Variants in DLC1 observed in about 807,000 individuals in gnomAD.
DLC1 encodes the protein rho GTPase-activating protein 7.
In DLC1, 54 loss-of-function variants were observed where a neutral mutation model predicts 140.3. The ratio of observed to expected loss-of-function variants is 0.38; its 90% CI spans 0.31 to 0.48. The LOEUF is 0.48. Ranked by LOEUF, DLC1 falls within the 20% of genes least tolerant of loss-of-function variation. The probability of loss-of-function intolerance (pLI) is 0.96; values close to 1 mark genes in which losing one functional copy is unlikely to be tolerated. For synonymous variants in DLC1, 986 were observed against 728.1 expected, an observed-to-expected ratio of 1.35 and a Z score of -5.70; for missense variants, 2,536 against 1,907.0, an observed-to-expected ratio of 1.33 and a Z score of -6.14.
chr8:13,233,314 A>T (rs1225468239), intron 5 of DLC1, among the ~76,000 whole-genome samples: 6 of 150,198 alleles, frequency 4.0e-5, no homozygotes, highest in Non-Finnish European at 8.9e-5. Context: ...AAAAAAAAAA[A>T]AAAAAAAAAA....
chr8:13,308,190 A>G (rs1832532943), intron 4 of DLC1, among the ~76,000 whole-genome samples: 1 of 152,226 alleles, frequency 6.6e-6, no homozygotes. Context: ...TATCAAGCAA[A>G]AATACATTTT....
intron 5 of DLC1, among the ~76,000 whole-genome samples, chr8:13,159,172 G>T (rs957793068): frequency 1.3e-5 from 2 of 152,106 alleles, no homozygotes; most frequent in East Asian, 1.9e-4. Flanking sequence ...ATACCAGTAC[G>T]GTGGCAGGAG....
chr8:13,539,535 G>T (rs1228145974), intron 1 of DLC1, among the ~76,000 whole-genome samples: 1 of 152,126 alleles, frequency 6.6e-6, no homozygotes, highest in Non-Finnish European at 1.5e-5. Context: ...GAGCAAACCA[G>T]CAAGCTGAGA....
intron 1 of DLC1, among the ~76,000 whole-genome samples, chr8:13,604,035 T>A (rs1805970376): frequency 6.6e-6 from 1 of 152,152 alleles, no homozygotes; most frequent in Non-Finnish European, 1.5e-5. Context: ...TATTTTTTTC[T>A]AATCAACATA....
intron 5 of DLC1, among the ~76,000 whole-genome samples, chr8:13,241,760 G>T (rs1203228744): frequency 6.6e-6 from 1 of 152,174 alleles, no homozygotes; most frequent in Non-Finnish European, 1.5e-5. Context: ...CTGCTGTTCT[G>T]TTAGGACACA....
intron 5 of DLC1, among the ~76,000 whole-genome samples, chr8:13,245,499 C>CCTT (rs887681406): frequency 1.3e-4 from 20 of 152,040 alleles, no homozygotes; most frequent in African/African-American, 4.6e-4. Flanking sequence ...GCTCATTAAC[C>CCTT]CTTTATTGGC....
chr8:13,425,121 G>C (rs1179429960), intron 2 of DLC1, among the ~76,000 whole-genome samples: 1 of 146,696 alleles, frequency 6.8e-6, no homozygotes, highest in Non-Finnish European at 1.5e-5. Flanking sequence ...ACAATGTGCA[G>C]TAAAAAAAAA....
intron 5 of DLC1, among the ~76,000 whole-genome samples, chr8:13,122,739 A>G (rs1217457412): frequency 6.6e-6 from 1 of 151,760 alleles, no homozygotes; most frequent in African/African-American, 2.4e-5. Flanking sequence ...TTTCACCAGC[A>G]ACTGACAGCA....
intron 1 of DLC1, among the ~76,000 whole-genome samples, chr8:13,579,337 A>ATTTT (rs1563453860): frequency 1.6e-3 from 32 of 20,398 alleles, no homozygotes; most frequent in African/African-American, 5.7e-3. Context: ...ATATATATAT[A>ATTTT]TATATATATA....
At chr8:13,247,897 A>G (rs555960221) in intron 5 of DLC1, among the ~76,000 whole-genome samples, 1 of 152,312 alleles carries the variant, frequency 6.6e-6, no homozygotes, top group South Asian at 2.1e-4. Flanking sequence ...AGTTAAAAGC[A>G]TTTTTCAGTT....
At chr8:13,590,312 T>C (rs996834111) in intron 1 of DLC1, among the ~76,000 whole-genome samples, 8 of 152,036 alleles carry the variant, frequency 5.3e-5, no homozygotes, top group African/African-American at 1.9e-4. Context: ...CAGTTTTTTT[T>C]TGCAGCTATT....
At chr8:13,349,105 C>T (rs902556213) in intron 4 of DLC1, among the ~76,000 whole-genome samples, 3 of 152,108 alleles carry the variant, frequency 2.0e-5, no homozygotes, top group African/African-American at 7.2e-5. Context: ...AGTTTACTCT[C>T]TGGAGACACT....
At chr8:13,567,621 C>T (rs1156837214) in intron 1 of DLC1, 2 of 1,551,538 alleles carry the variant, frequency 1.3e-6, no homozygotes, top group East Asian at 4.9e-5. Flanking sequence ...CGGAGCTGGC[C>T]CTGTCTGCCT....
intron 2 of DLC1, among the ~76,000 whole-genome samples, chr8:13,408,433 G>A (rs561153218): frequency 6.6e-6 from 1 of 152,252 alleles, no homozygotes; most frequent in South Asian, 2.1e-4. Flanking sequence ...CTTTTGCTAG[G>A]TTTTTAAACT....
chr8:13,197,075 T>G (rs930795591), intron 5 of DLC1, among the ~76,000 whole-genome samples: 2 of 152,234 alleles, frequency 1.3e-5, no homozygotes, highest in African/African-American at 4.8e-5. Context: ...TTCCTGTTTT[T>G]GTCTATTTCA....
At chr8:13,553,203 CAT>C (rs1201746846) in intron 1 of DLC1, among the ~76,000 whole-genome samples, 2,471 of 67,974 alleles carry the variant, frequency 0.036, 128 homozygotes, top group Middle Eastern at 0.11. Flanking sequence ...TGCCAGCTGT[CAT>C]ATATATATAT....
chr8:13,236,103 C>A (rs182861745), intron 5 of DLC1, among the ~76,000 whole-genome samples: 1 of 151,958 alleles, frequency 6.6e-6, no homozygotes, highest in African/African-American at 2.4e-5. Context: ...TTTAAAACTA[C>A]ATAGAAACAA....
chr8:13,479,852 A>AAG (rs1800621736), intron 2 of DLC1, among the ~76,000 whole-genome samples: 1 of 100,306 alleles, frequency 1.0e-5, no homozygotes. Flanking sequence ...AAGAAGAAGA[A>AAG]GAAGAAGAGA....
At chr8:13,131,201 T>G (rs555282537) in intron 5 of DLC1, among the ~76,000 whole-genome samples, 1 of 152,242 alleles carries the variant, frequency 6.6e-6, no homozygotes, top group African/African-American at 2.4e-5. Flanking sequence ...AGTCTGCAAA[T>G]TATTTCCACC....
Sources: gnomAD v4.1 joint callset for allele counts (sites outside exome capture counted in the v4.1 genomes callset) on GRCh38, gnomAD v4.1.1 for gene constraint, MANE v1.5 for transcripts, NCBI Gene and HGNC (gene_info 2026-07-23, HGNC 2026-07-21) for gene names.